Variants in PTPRT observed in about 807,000 individuals in gnomAD.
The protein encoded by PTPRT is protein tyrosine phosphatase receptor type T.
In PTPRT, 56 loss-of-function variants were observed where a neutral mutation model predicts 176.8. That is an observed-to-expected ratio of 0.32 (90% CI 0.26 to 0.40). The LOEUF is 0.40. Ranked by LOEUF, PTPRT falls within the 10% of genes least tolerant of loss-of-function variation. The pLI is 1.00. For missense variants in PTPRT, 1,540 were observed against 1,908.2 expected, an observed-to-expected ratio of 0.81 and a Z score of 3.60; for synonymous variants, 783 against 739.0, an observed-to-expected ratio of 1.06 and a Z score of -0.96.
intron 5 of PTPRT, 88 bp from the exon 6 acceptor site, chr20:42,756,724 A>C: frequency 3.4e-6 from 4 of 1,193,516 alleles, no homozygotes; most frequent in Non-Finnish European, 4.6e-6. Context: ...ACCCATCCTC[A>C]CACCCCTGGG....
intron 1 of PTPRT, among the ~76,000 whole-genome samples, chr20:43,134,762 T>C (rs1048967823): frequency 1.3e-5 from 2 of 152,164 alleles, no homozygotes; most frequent in African/African-American, 4.8e-5. Flanking sequence ...TAAAGAAAAT[T>C]TGGTGGTATT....
chr20:42,849,674 C>T (rs992890890), intron 2 of PTPRT, among the ~76,000 whole-genome samples: 1 of 152,180 alleles, frequency 6.6e-6, no homozygotes, highest in Non-Finnish European at 1.5e-5. Flanking sequence ...GTCACTTAGA[C>T]TCCATGAACC....
At chr20:42,379,735 T>C (rs1225423485) in intron 9 of PTPRT, among the ~76,000 whole-genome samples, 1 of 152,254 alleles carries the variant, frequency 6.6e-6, no homozygotes, top group African/African-American at 2.4e-5. Flanking sequence ...TTCCTTCTTC[T>C]TGGGCATGAA....
chr20:42,662,715 C>G (rs2146006942), intron 7 of PTPRT, among the ~76,000 whole-genome samples: 1 of 152,188 alleles, frequency 6.6e-6, no homozygotes, highest in Non-Finnish European at 1.5e-5. Context: ...AAGCAAACCC[C>G]CTATTTAACT....
At chr20:43,051,095 C>T (rs1987023707) in intron 1 of PTPRT, among the ~76,000 whole-genome samples, 2 of 152,058 alleles carry the variant, frequency 1.3e-5, no homozygotes, top group African/African-American at 2.4e-5. Flanking sequence ...ATAATAGAAC[C>T]AAGATATGGA....
intron 1 of PTPRT, among the ~76,000 whole-genome samples, chr20:42,921,710 C>A (rs6030561): frequency 6.6e-6 from 1 of 152,198 alleles, no homozygotes; most frequent in South Asian, 2.1e-4. Flanking sequence ...TAATCTATAG[C>A]GGCAGCATCC....
chr20:42,310,999 T>G (rs759660781), intron 12 of PTPRT, among the ~76,000 whole-genome samples: 1 of 152,206 alleles, frequency 6.6e-6, no homozygotes, highest in Non-Finnish European at 1.5e-5. Context: ...ATACTTCATA[T>G]TCACAGATCA....
At chr20:42,168,263 G>A (rs1018666444) in intron 16 of PTPRT, among the ~76,000 whole-genome samples, 37 of 152,134 alleles carry the variant, frequency 2.4e-4, no homozygotes, top group African/African-American at 8.7e-4. Context: ...GAGCTGTGCA[G>A]TTCAAACCCA....
At chr20:43,012,680 T>A (rs184416237) in intron 1 of PTPRT, among the ~76,000 whole-genome samples, 1 of 152,286 alleles carries the variant, frequency 6.6e-6, no homozygotes, top group East Asian at 1.9e-4. Flanking sequence ...ATGCTGCTGG[T>A]GTCTGCTCAG....
At chr20:42,040,566 T>A in the PTPRT span, among the ~76,000 whole-genome samples, 1 of 152,202 alleles carries the variant, frequency 6.6e-6, no homozygotes, top group Non-Finnish European at 1.5e-5. Flanking sequence ...CCATCAGGAA[T>A]AGCTTTGTGG....
At position 42,699,216 on chromosome 20, in the gene PTPRT, A is replaced by G. The variant is rs1185043205; in HGVS notation, c.860-21057T>C. Among the ~76,000 whole-genome samples the G allele has an allele frequency of 2.6e-5, 4 of 152,168 alleles. No individual in the cohort carries two copies. In the East Asian group the frequency reaches 7.7e-4, roughly 29 times the overall value. ...TCACATCTGAACAATGCCACCTCAC[A>G]TATTTACACTGATCACATCTGAAAT... On this transcript the variant is annotated intron_variant, in intron 6 of 30. Coordinates refer to ENST00000373187, the MANE Select transcript of PTPRT (RefSeq NM_007050.6).
chr20:42,195,551 C>A (rs1459513901), intron 16 of PTPRT, among the ~76,000 whole-genome samples: 1 of 152,086 alleles, frequency 6.6e-6, no homozygotes, highest in Non-Finnish European at 1.5e-5. Context: ...CTAGGGCAGT[C>A]AAAAGATCCT....
chr20:42,780,111 G>C, intron 4 of PTPRT, 107 bp downstream of exon 4: 1 of 896,650 alleles, frequency 1.1e-6, no homozygotes, highest in East Asian at 2.4e-5. Context: ...AAGAGAAAGA[G>C]AGAGTGAGAG....
chr20:42,533,027 T>C (rs942933682), intron 7 of PTPRT, among the ~76,000 whole-genome samples: 6 of 152,132 alleles, frequency 3.9e-5, no homozygotes, highest in Non-Finnish European at 8.8e-5. Context: ...CTGGATTAAT[T>C]GCCTGCTCGG....
At chr20:42,614,366 G>A (rs977691198) in intron 7 of PTPRT, among the ~76,000 whole-genome samples, 7 of 152,132 alleles carry the variant, frequency 4.6e-5, no homozygotes, top group South Asian at 2.1e-4. Flanking sequence ...TCTGAGATCA[G>A]AGGGTTAGGA....
At chr20:42,826,945 A>G (rs1035269802) in intron 2 of PTPRT, among the ~76,000 whole-genome samples, 1 of 152,208 alleles carries the variant, frequency 6.6e-6, no homozygotes, top group East Asian at 1.9e-4. Flanking sequence ...CCAGCCAAAG[A>G]TCAAAAAAGA....
chr20:42,515,455 C>T (rs2145474951), intron 7 of PTPRT, among the ~76,000 whole-genome samples: 1 of 152,266 alleles, frequency 6.6e-6, no homozygotes, highest in East Asian at 1.9e-4. Context: ...TACACTCCAG[C>T]CTGAGTGACA....
chr20:43,109,288 A>G (rs536312506), intron 1 of PTPRT, among the ~76,000 whole-genome samples: 2 of 152,290 alleles, frequency 1.3e-5, no homozygotes, highest in African/African-American at 4.8e-5. Flanking sequence ...CACACATCCA[A>G]GTGGATTTAG....
chr20:43,062,952 G>C (rs1160170373), intron 1 of PTPRT, among the ~76,000 whole-genome samples: 1 of 152,182 alleles, frequency 6.6e-6, no homozygotes. Flanking sequence ...TAGCAATCTG[G>C]TTTGGGTCGT....
Sources: gnomAD v4.1 joint callset for allele counts (sites outside exome capture counted in the v4.1 genomes callset) on GRCh38, gnomAD v4.1.1 for gene constraint, MANE v1.5 for transcripts, NCBI Gene and HGNC (gene_info 2026-07-23, HGNC 2026-07-21) for gene names.